Variants in ZZEF1 observed in about 807,000 individuals in gnomAD.
The protein encoded by ZZEF1 is zinc finger ZZ-type and EF-hand domain-containing protein 1.
A neutral mutation model predicts 342.8 loss-of-function variants in ZZEF1; 157 were observed. That is an observed-to-expected ratio of 0.46 (90% confidence interval 0.40 to 0.52). The LOEUF is 0.52. Among genes scored for constraint, ZZEF1 ranks in the 20% least tolerant of loss-of-function variants. The pLI, the probability that ZZEF1 is intolerant of heterozygous loss-of-function variation, is 0.00. For synonymous variants in ZZEF1, 1,505 were observed against 1,429.1 expected, an observed-to-expected ratio of 1.05 and a Z score of -1.20; for missense variants, 3,480 against 3,725.6, an observed-to-expected ratio of 0.93 and a Z score of 1.72.
Position 4,104,771 on chromosome 17 carries a change from AAGCC to A in ZZEF1, c.1431_1434del (p.Ala478LeufsTer12). ...GCAACACTTCCTCTTGCGAGAGCAA[AAGCC>A]AGAAGAGTCAGTTCTACCTCTGGGG... On this transcript the variant is annotated frameshift_variant, in exon 8 of 55. Transcript: ENST00000381638. LOFTEE classifies it high-confidence loss of function. The A allele has an allele frequency of 6.2e-7, 1 of 1,614,142 alleles. No individual in the cohort carries two copies. The highest frequency in any genetic ancestry group is 8.5e-7 in the Non-Finnish European group (1 of 1,180,000).
In ZZEF1 at chr17:4,081,396, C is replaced by A. The variant is rs559335570; in HGVS notation, c.2809G>T (p.Val937Phe). ...GATACCTCTCGAGCAGCAACAGAGACGAGAGTGTCCATGACCGCCAGGACT... is the reference window on the plus strand; with the variant it reads ...GATACCTCTCGAGCAGCAACAGAGAAGAGAGTGTCCATGACCGCCAGGACT... ...SEVLAVMDTL[V>F]SVAARECELL... Residue 937 changes from valine (V) to phenylalanine (F), a missense_variant, in exon 18 of 55, where the codon GTC (valine) becomes TTC (phenylalanine). Physicochemically the swap from Val to Phe is conservative, Grantham distance 50. Transcript: ENST00000381638. The A allele has an allele frequency of 6.2e-7, 1 of 1,613,632 alleles. No homozygotes were observed. Among genetic ancestry groups the A allele is most frequent in the South Asian group, 1.1e-5 (1 of 91,056 alleles).
intron 1 of ZZEF1, among the ~76,000 whole-genome samples, chr17:4,138,448 C>CAAGACCGTTT (rs919856219): frequency 6.6e-6 from 1 of 152,172 alleles, no homozygotes; most frequent in African/African-American, 2.4e-5. Flanking sequence ...CCGTTTCCTT[C>CAAGACCGTTT]AATGTCAAGA....
At chr17:4,034,375 A>T (rs2056616363) in intron 39 of ZZEF1, 83 bp from the exon 40 acceptor site, 1 of 1,449,064 alleles carries the variant, frequency 6.9e-7, no homozygotes, top group Admixed American at 1.9e-5. Context: ...CTCCTACCTT[A>T]TTTACAGCTG....
chr17:4,007,829 C>T (rs1049729256), intron 54 of ZZEF1, among the ~76,000 whole-genome samples: 4 of 152,018 alleles, frequency 2.6e-5, no homozygotes, highest in Admixed American at 6.5e-5. Flanking sequence ...TGCAAAAGGG[C>T]GGTGTGTTCG....
chr17:4,064,636 G>A lies in ZZEF1; in HGVS notation c.4443C>T (p.Pro1481=). 1.9e-6 allele frequency: 3 copies of A among 1,614,190 alleles called. No individual in the cohort carries two copies. Among genetic ancestry groups the A allele is most frequent in the Non-Finnish European group, 2.5e-6 (3 of 1,180,030 alleles). Residue 1481 remains proline (P), a synonymous_variant, in exon 29 of 55, where the codon CCC becomes CCT. Transcript: ENST00000381638. The part of the protein sequence containing the change: ...QASVSPTEAA[P]PATGDQSPGL... ...CAGGACTCTGGTCTCCTGTGGCAGG[G>A]GGTGCGGCTTCAGTGGGAGATACTG...
rs181880807 is a variant in ZZEF1, at chr17:4,127,256, G to A, written c.355-3205C>T. 1.8e-3 allele frequency among the ~76,000 whole-genome samples: 277 copies of A among 152,092 alleles called. 2 individuals carry two copies. The highest frequency in any genetic ancestry group is 6.3e-3 in the African/African-American group (260 of 41,486). ...TGCCTTCAAGAGATTTTCCCACCTC[G>A]GCCTCCCAAAGAGTTGAGATTATAG... On this transcript the variant is annotated intron_variant, in intron 1 of 54. Transcript: ENST00000381638.
rs2056092044 is a variant in ZZEF1 at position 4,016,074 on chromosome 17, GCT to G, written c.8145+247_8145+248del. On this transcript the variant is annotated intron_variant, in intron 49 of 54. Transcript: ENST00000381638. This position sits in a 1 kb window ranked among gnomAD's most constrained non-coding sequence, Gnocchi z 4.4. ...AGGGAAAGTAAAGCTCTCCTCCAGGGCTAGGTGGCCCATTTTCTTCTATTAAA... is the reference window on the plus strand; with the variant it reads ...AGGGAAAGTAAAGCTCTCCTCCAGGGAGGTGGCCCATTTTCTTCTATTAAA... Among the ~76,000 whole-genome samples the G allele has an allele frequency of 1.3e-5, 2 of 152,230 alleles. No individual in the cohort carries two copies. The highest frequency in any genetic ancestry group is 2.9e-5 in the Non-Finnish European group (2 of 68,036).
In ZZEF1 at chr17:4,066,440, C is replaced by T. The variant is rs2145246068; in HGVS notation, c.4249+7G>A. On this transcript the variant is annotated splice_region_variant and intron_variant, in intron 28 of 54. Coordinates refer to ENST00000381638, the MANE Select transcript of ZZEF1 (RefSeq NM_015113.4). Reference sequence around the variant, plus strand: ...TCAGGGACAACAGCTGGTGTTAGCACACTCACCCAGGCTCTCAGGGTTCAC... The same window carrying T: ...TCAGGGACAACAGCTGGTGTTAGCATACTCACCCAGGCTCTCAGGGTTCAC... 1 of 1,613,942 alleles carries T rather than the reference C, an allele frequency of 6.2e-7. No individual in the cohort carries two copies. The highest frequency in any genetic ancestry group is 1.3e-5 in the African/African-American group (1 of 75,036).
Position 4,042,582 on chromosome 17 carries a change from C to T in ZZEF1, c.6167-14G>A. 6.2e-7 allele frequency: 1 copy of T among 1,609,416 alleles called. No homozygotes were observed. The highest frequency in any genetic ancestry group is 8.5e-7 in the Non-Finnish European group (1 of 1,178,202). On this transcript the variant is annotated splice_polypyrimidine_tract_variant and intron_variant, in intron 38 of 54. Coordinates refer to ENST00000381638, the MANE Select transcript of ZZEF1 (RefSeq NM_015113.4). ...AATCTTCAGCATCTAAGTGGTAAAACAAACTTTCAGAATTTGCCTGCATCT... is the reference window on the plus strand; with the variant it reads ...AATCTTCAGCATCTAAGTGGTAAAATAAACTTTCAGAATTTGCCTGCATCT...
intron 9 of ZZEF1, among the ~76,000 whole-genome samples, chr17:4,100,551 C>T (rs750544252): frequency 2.8e-4 from 43 of 152,198 alleles, no homozygotes; most frequent in Non-Finnish European, 6.0e-4. Context: ...CTGGCAAAAT[C>T]TATTACCAGG....
rs993333825 is a variant in ZZEF1, at chr17:4,025,060, G to C, written c.6951C>G (p.Ala2317=). The change falls in exon 43 of 55, where the codon GCC becomes GCG. Residue 2317 remains alanine (A), a synonymous_variant. Transcript: ENST00000381638. The part of the protein sequence containing the change: ...GGGQECGDSR[A]QLSQYSQHFA... ...AGTGCTGGGAGTACTGGCTCAGCTGGGCCCGAGAGTCACCACACTCTTGTC... is the reference window on the plus strand; with the variant it reads ...AGTGCTGGGAGTACTGGCTCAGCTGCGCCCGAGAGTCACCACACTCTTGTC... The C allele has an allele frequency of 6.2e-7, 1 of 1,614,116 alleles. No individual in the cohort carries two copies. The highest frequency in any genetic ancestry group is 8.5e-7 in the Non-Finnish European group (1 of 1,180,024).
chr17:4,083,105 C>G (rs1324495713), intron 16 of ZZEF1, among the ~76,000 whole-genome samples: 1 of 152,156 alleles, frequency 6.6e-6, no homozygotes, highest in South Asian at 2.1e-4. Context: ...TTGGACAAGC[C>G]ATCTCAAGAG....
At chr17:4,071,176 C>T (rs1406341861) in intron 25 of ZZEF1, among the ~76,000 whole-genome samples, 1 of 152,168 alleles carries the variant, frequency 6.6e-6, no homozygotes, top group Admixed American at 6.5e-5. Context: ...AGAAGGGATA[C>T]CCAGTGCTGA....
At chr17:4,121,177 C>G (rs2058476456) in intron 2 of ZZEF1, among the ~76,000 whole-genome samples, 1 of 152,212 alleles carries the variant, frequency 6.6e-6, no homozygotes. Flanking sequence ...CAACAGTACA[C>G]TACGAATTAT....
At chr17:4,108,357 T>C (rs753223334) in intron 6 of ZZEF1, among the ~76,000 whole-genome samples, 2 of 152,064 alleles carry the variant, frequency 1.3e-5, no homozygotes, top group African/African-American at 2.4e-5. Context: ...AAACCAGAAT[T>C]GAAGGACACT....
chr17:4,104,690 C>G lies in ZZEF1; in HGVS notation c.1516G>C (p.Ala506Pro). Residue 506 changes from alanine (A) to proline (P), a missense_variant, in exon 8 of 55, where the codon GCC (alanine) becomes CCC (proline). Around this residue, in one of 5 missense-constraint regions of ZZEF1, gnomAD observed 1,528 missense variants for 1,624.1 expected, o/e 0.94. Transcript: ENST00000381638. ...ITDHLDTQYD[A>P]SSLILSMASV... ...GCCATGGACAAGATGAGGGATGAGGCATCATACTGCGTGTCCAGATGGTCA... is the reference window on the plus strand; with the variant it reads ...GCCATGGACAAGATGAGGGATGAGGGATCATACTGCGTGTCCAGATGGTCA... 1 of 1,614,148 alleles carries G rather than the reference C, an allele frequency of 6.2e-7. No homozygotes were observed. Among genetic ancestry groups the G allele is most frequent in the Non-Finnish European group, 8.5e-7 (1 of 1,180,026 alleles).
At chr17:4,075,036 G>A in intron 23 of ZZEF1, 61 bp downstream of exon 23, 1 of 1,559,500 alleles carries the variant, frequency 6.4e-7, no homozygotes. Context: ...CCCCCTGAAG[G>A]CTGACAAAAG....
intron 2 of ZZEF1, among the ~76,000 whole-genome samples, chr17:4,119,547 C>T (rs933439332): frequency 2.4e-4 from 37 of 152,142 alleles, no homozygotes; most frequent in Admixed American, 2.4e-3. Context: ...CGTTCTTTCC[C>T]AATCAATGCC....
chr17:4,125,197 C>T (rs1047008465), intron 1 of ZZEF1, among the ~76,000 whole-genome samples: 3 of 151,308 alleles, frequency 2.0e-5, no homozygotes, highest in African/African-American at 7.3e-5. Context: ...CAAACCCTTC[C>T]TCAACAATGC....
Sources: gnomAD v4.1 joint callset for allele counts (sites outside exome capture counted in the v4.1 genomes callset) on GRCh38, gnomAD v4.1.1 for gene constraint, gnomAD v4.1.1 regional missense constraint, Gnocchi (gnomAD v3.1) non-coding constraint, MANE v1.5 for transcripts, NCBI Gene and HGNC (gene_info 2026-07-23, HGNC 2026-07-21) for gene names.